Variants in ATG2B observed in about 807,000 individuals in gnomAD.
The protein encoded by ATG2B is autophagy related 2B.
A neutral mutation model predicts 241.3 loss-of-function variants in ATG2B; 121 were observed. The ratio of observed to expected loss-of-function variants is 0.50; its 90% confidence interval spans 0.43 to 0.58. ATG2B has a LOEUF of 0.58. Ranked by LOEUF, ATG2B falls within the 20% of genes least tolerant of loss-of-function variation. ATG2B has a pLI of 0.00. For synonymous variants in ATG2B, 858 were observed against 876.6 expected, an observed-to-expected ratio of 0.98 and a Z score of 0.37; for missense variants, 2,306 against 2,491.6, an observed-to-expected ratio of 0.93 and a Z score of 1.59.
Position 96,343,826 on chromosome 14 carries a change from C to T in ATG2B, c.582-545G>A, listed in dbSNP as rs922574358. 2.0e-5 allele frequency among the ~76,000 whole-genome samples: 3 copies of T among 152,098 alleles called. 1 individual carries two copies. The highest frequency in any genetic ancestry group is 4.4e-5 in the Non-Finnish European group (3 of 68,012). ...CATGAAATTTTAGATTTTTTTAAAT[C>T]TACTATTTAAGGCAATGGACCCTTA... is the stretch of plus-strand genomic sequence containing the variant. On this transcript the variant is annotated intron_variant, in intron 4 of 41. Transcript: ENST00000359933.
In ATG2B at chr14:96,362,920, C is replaced by T; in HGVS notation, c.57G>A (p.Gln19=). The T allele has an allele frequency of 1.9e-6, 3 of 1,613,746 alleles. No homozygotes were observed. Among genetic ancestry groups the T allele is most frequent in the Non-Finnish European group, 2.5e-6 (3 of 1,179,984 alleles). Reference sequence around the variant, plus strand: ...CCTGCAGAAAGTGGCCCAGGTACCTCTGCAGGAGGTACCGGCAGGCCCTCT... The same window carrying T: ...CCTGCAGAAAGTGGCCCAGGTACCTTTGCAGGAGGTACCGGCAGGCCCTCT... ...IKKRACRYLL[Q]RYLGHFLQEK... is the part of the protein sequence containing the mutation. The change falls in exon 1 of 42, where the codon CAG becomes CAA. Residue 19 remains glutamine, a synonymous_variant. Transcript: ENST00000359933.
chr14:96,357,299 T>A (rs111528193), intron 1 of ATG2B, among the ~76,000 whole-genome samples: 1 of 152,190 alleles, frequency 6.6e-6, no homozygotes, highest in Non-Finnish European at 1.5e-5. Context: ...CTAAGTTTCA[T>A]CTTCGGCCTT....
chr14:96,295,429 T>G, intron 35 of ATG2B, 53 bp downstream of exon 35: 3 of 1,256,284 alleles, frequency 2.4e-6, no homozygotes, highest in Non-Finnish European at 3.4e-6. Flanking sequence ...TCATAACAAT[T>G]AAAATCAATC....
Position 96,281,541 on chromosome 14 carries a change from A to G in ATG2B, c.*4214T>C, listed in dbSNP as rs1427515108. ...ACACCCCTACCAAATTTCTCAATGA[A>G]AAAGCAAATAGCCCTGGGTGACCAG... On this transcript the variant is annotated 3_prime_UTR_variant, in exon 42 of 42. Coordinates refer to ENST00000359933, the MANE Select transcript of ATG2B (RefSeq NM_018036.7). 2 of 152,238 alleles carry G rather than the reference A, an allele frequency of 1.3e-5. No homozygotes were observed. The highest frequency in any genetic ancestry group is 4.1e-4 in the South Asian group (2 of 4,836). The allele number at this position is 152,238 out of a possible 1,614,324, so 9.4% of individuals were successfully genotyped here.
chr14:96,334,753 T>C (rs1887827131), intron 6 of ATG2B, among the ~76,000 whole-genome samples: 1 of 152,198 alleles, frequency 6.6e-6, no homozygotes, highest in South Asian at 2.1e-4. Flanking sequence ...TTTTGTCTCT[T>C]CAAGTCTTCT....
intron 1 of ATG2B, among the ~76,000 whole-genome samples, chr14:96,357,636 G>A (rs543381359): frequency 2.8e-4 from 43 of 151,748 alleles, no homozygotes; most frequent in African/African-American, 9.7e-4. Context: ...CACAAGTTAC[G>A]GTCATCAAGG....
Position 96,328,723 on chromosome 14 carries a change from G to A in ATG2B, c.1925C>T (p.Pro642Leu), listed in dbSNP as rs1218813206. 1 of 1,612,134 alleles carries A rather than the reference G, an allele frequency of 6.2e-7. No homozygotes were observed. The highest frequency in any genetic ancestry group is 1.7e-5 in the Admixed American group (1 of 59,888). The change falls in exon 13 of 42, where the codon CCT (proline) becomes CTT (leucine). Residue 642 changes from proline (P) to leucine (L), a missense_variant. Coordinates refer to ENST00000359933, the MANE Select transcript of ATG2B (RefSeq NM_018036.7). ...HSKEETGSHS[P>L]VCLQLHYKHS... ...CTTATAATGAAGCTGAAGACACACA[G>A]GGGAATGGGAACCAGTTTCTTCTTT...
At chr14:96,331,753 AATG>A in intron 10 of ATG2B, 116 bp from the exon 11 acceptor site, 1 of 817,934 alleles carries the variant, frequency 1.2e-6, no homozygotes, top group Non-Finnish European at 1.9e-6. Flanking sequence ...CAACAGTTTG[AATG>A]ATATTAAACA....
At chr14:96,336,087 AG>A (rs1887862034) in intron 6 of ATG2B, among the ~76,000 whole-genome samples, 2 of 152,098 alleles carry the variant, frequency 1.3e-5, no homozygotes, top group Admixed American at 1.3e-4. Context: ...CTAAAAACAT[AG>A]GCTAAAACTG....
rs1290473243 is a variant in ATG2B at position 96,285,466 on chromosome 14, A to G, written c.*289T>C. ...CTTCCAATGATCTCTCGTCGGTAAC[A>G]AGGAGAATTACAGTCATCTTAACAA... On this transcript the variant is annotated 3_prime_UTR_variant, in exon 42 of 42. Transcript: ENST00000359933. The surrounding 1 kb of genome is among the most constrained non-coding windows in gnomAD (Gnocchi z 4.2). The G allele has an allele frequency of 1.5e-5, 6 of 391,894 alleles. No homozygotes were observed. Among genetic ancestry groups the G allele is most frequent in the African/African-American group, 4.0e-5 (2 of 49,686 alleles). The allele number at this position is 391,894 out of a possible 1,614,324, so 24.3% of individuals were successfully genotyped here. A position where few individuals can be genotyped will look rare whatever the true frequency, so the allele number is the denominator to read the frequency against.
At chr14:96,345,618 A>G (rs1566733663) in intron 2 of ATG2B, among the ~76,000 whole-genome samples, 1 of 152,206 alleles carries the variant, frequency 6.6e-6, no homozygotes, top group African/African-American at 2.4e-5. Context: ...ATGTGCTCTC[A>G]CAACATGTTA....
intron 35 of ATG2B, 110 bp from the exon 36 acceptor site, chr14:96,295,277 G>C: frequency 9.2e-7 from 1 of 1,091,208 alleles, no homozygotes; most frequent in South Asian, 1.6e-5. Context: ...ATCAAAATAC[G>C]ATTCTTGTTA....
chr14:96,312,987 A>C, intron 25 of ATG2B, 78 bp downstream of exon 25: 4 of 919,190 alleles, frequency 4.4e-6, no homozygotes, highest in Non-Finnish European at 6.5e-6. Flanking sequence ...TGAGACTTTA[A>C]TAAAATGGTT....
intron 32 of ATG2B, 123 bp downstream of exon 32, chr14:96,304,372 C>CCTTG (rs1326676290): frequency 1.6e-6 from 1 of 632,872 alleles, no homozygotes; most frequent in African/African-American, 1.8e-5. Context: ...TATACAAGAT[C>CCTTG]CTTGCACTTT....
At chr14:96,351,519 T>C (rs1442358616) in intron 1 of ATG2B, among the ~76,000 whole-genome samples, 1 of 152,092 alleles carries the variant, frequency 6.6e-6, no homozygotes, top group Non-Finnish European at 1.5e-5. Flanking sequence ...GCAGATTGCC[T>C]GAGGTCAGGA....
At position 96,290,412 on chromosome 14, in the gene ATG2B, G is replaced by C; in HGVS notation, c.5856+24C>G. 1 of 1,612,292 alleles carries C rather than the reference G, an allele frequency of 6.2e-7. No individual in the cohort carries two copies. Among genetic ancestry groups the C allele is most frequent in the Non-Finnish European group, 8.5e-7 (1 of 1,178,906 alleles). ...ATTTCACAATGGCTCTTTTTGGATA[G>C]ACTAAGGCAGTCTAAAAAGATACCT... On this transcript the variant is annotated intron_variant, in intron 40 of 41. Coordinates refer to ENST00000359933, the MANE Select transcript of ATG2B (RefSeq NM_018036.7). This position sits in a 1 kb window ranked among gnomAD's most constrained non-coding sequence, Gnocchi z 4.4.
rs758159174 is a variant in ATG2B at position 96,306,730 on chromosome 14, G to T, written c.4490C>A (p.Pro1497Gln). Residue 1497 changes from proline (P) to glutamine (Q), a missense_variant, in exon 30 of 42, where the codon CCA (proline) becomes CAA (glutamine). Physicochemically the swap from Pro to Gln is moderately conservative, Grantham distance 76. Around this residue, in one of 2 missense-constraint regions of ATG2B, gnomAD observed 1,927 missense variants for 2,011.2 expected, o/e 0.96. Transcript: ENST00000359933. ...ENDDFCILFA[P>Q]KAAMQEKEEE... ...ATTTATTACCTGCATGGCTGCTTTTGGTGCAAAAAGAATGCAAAAGTCATC... is the reference window on the plus strand; with the variant it reads ...ATTTATTACCTGCATGGCTGCTTTTTGTGCAAAAAGAATGCAAAAGTCATC... The T allele has an allele frequency of 6.2e-7, 1 of 1,613,208 alleles. No homozygotes were observed.
At chr14:96,358,961 A>G (rs1888552514) in intron 1 of ATG2B, among the ~76,000 whole-genome samples, 1 of 152,228 alleles carries the variant, frequency 6.6e-6, no homozygotes, top group African/African-American at 2.4e-5. Context: ...GTAACACTCT[A>G]GTCTCCAGGT....
At chr14:96,353,258 G>A (rs1000747329) in intron 1 of ATG2B, among the ~76,000 whole-genome samples, 3 of 152,068 alleles carry the variant, frequency 2.0e-5, no homozygotes, top group East Asian at 1.9e-4. Context: ...TATCCCTGTC[G>A]TTAAGCAACA....
Sources: gnomAD v4.1 joint callset for allele counts (sites outside exome capture counted in the v4.1 genomes callset) on GRCh38, gnomAD v4.1.1 for gene constraint, gnomAD v4.1.1 regional missense constraint, Gnocchi (gnomAD v3.1) non-coding constraint, MANE v1.5 for transcripts, NCBI Gene and HGNC (gene_info 2026-07-23, HGNC 2026-07-21) for gene names.